The following DIS3L2 variants were observed in gnomAD, a reference collection of about 807,000 sequenced individuals.
The protein encoded by DIS3L2 is DIS3-like exonuclease 2.
Under a neutral mutation model 97.5 loss-of-function variants are expected in DIS3L2, and 34 were observed. The ratio of observed to expected loss-of-function variants is 0.35; its 90% confidence interval spans 0.27 to 0.46. The LOEUF (loss-of-function observed/expected upper bound fraction) is 0.46. Among genes scored for constraint, DIS3L2 ranks in the 20% least tolerant of loss-of-function variants. DIS3L2 has a pLI of 1.00. For synonymous variants in DIS3L2, 435 were observed against 445.2 expected (o/e 0.98, Z 0.29); for missense variants, 1,038 against 1,146.0 (o/e 0.91, Z 1.36).
intron 6 of DIS3L2, among the ~76,000 whole-genome samples, chr2:232,125,520 T>C (rs1442054915): frequency 6.6e-6 from 1 of 152,212 alleles, no homozygotes; most frequent in Non-Finnish European, 1.5e-5. Context: ...TCACTACTCC[T>C]CTTTCCTCAG....
intron 1 of DIS3L2, among the ~76,000 whole-genome samples, chr2:232,002,839 A>G (rs1026936620): frequency 3.9e-5 from 6 of 152,164 alleles, no homozygotes; most frequent in African/African-American, 1.2e-4. Context: ...TTTTGCACAA[A>G]TGATCGTATG....
intron 14 of DIS3L2, among the ~76,000 whole-genome samples, chr2:232,304,370 C>A (rs996419268): frequency 6.6e-6 from 1 of 152,194 alleles, no homozygotes; most frequent in Admixed American, 6.5e-5. Context: ...CAGTGTGTTA[C>A]ATGGGGGAGG....
intron 9 of DIS3L2, among the ~76,000 whole-genome samples, chr2:232,184,369 C>A (rs138164086): frequency 3.9e-5 from 6 of 152,124 alleles, no homozygotes; most frequent in Non-Finnish European, 5.9e-5. Context: ...AAAATAAGGT[C>A]GGGTGCGTGG....
chr2:232,213,301 G>A (rs550075471), intron 10 of DIS3L2, among the ~76,000 whole-genome samples: 3 of 152,282 alleles, frequency 2.0e-5, no homozygotes, highest in Admixed American at 2.0e-4. Flanking sequence ...TACTGCACCA[G>A]GTGATCAGAT....
intron 5 of DIS3L2, among the ~76,000 whole-genome samples, chr2:232,084,685 T>C (rs1696518330): frequency 6.6e-6 from 1 of 152,140 alleles, no homozygotes; most frequent in Non-Finnish European, 1.5e-5. Context: ...AATGAATGTA[T>C]GAATCTGACA....
At chr2:232,277,038 T>TTA (rs950010481) in intron 13 of DIS3L2, among the ~76,000 whole-genome samples, 2 of 152,204 alleles carry the variant, frequency 1.3e-5, no homozygotes, top group Non-Finnish European at 2.9e-5. Flanking sequence ...ATCGCCTCCT[T>TTA]TATGATACTT....
intron 5 of DIS3L2, among the ~76,000 whole-genome samples, chr2:232,031,905 T>C (rs919010869): frequency 2.6e-5 from 4 of 152,238 alleles, no homozygotes; most frequent in African/African-American, 9.7e-5. Flanking sequence ...CTAACATTGA[T>C]AGGCATTTGA....
intron 1 of DIS3L2, among the ~76,000 whole-genome samples, chr2:231,978,101 AAG>A (rs1693150174): frequency 6.6e-6 from 1 of 152,244 alleles, no homozygotes; most frequent in African/African-American, 2.4e-5. Flanking sequence ...CTAGAATTAA[AAG>A]ACTATGTATG....
At chr2:232,043,425 A>T (rs1026427180) in intron 5 of DIS3L2, among the ~76,000 whole-genome samples, 3 of 152,234 alleles carry the variant, frequency 2.0e-5, no homozygotes, top group Admixed American at 6.5e-5. Context: ...GCAAGTAGGG[A>T]TATAACAGGA....
intron 3 of DIS3L2, among the ~76,000 whole-genome samples, chr2:232,018,189 C>T (rs1016893671): frequency 6.6e-6 from 1 of 152,138 alleles, no homozygotes; most frequent in Admixed American, 6.5e-5. Flanking sequence ...GAGAGGACAG[C>T]GTTCTGCAGT....
chr2:232,290,927 A>G (rs1694582956), intron 13 of DIS3L2, among the ~76,000 whole-genome samples: 1 of 152,180 alleles, frequency 6.6e-6, no homozygotes, highest in Non-Finnish European at 1.5e-5. Flanking sequence ...GGTGCCAGAA[A>G]TCTCCATGAT....
At chr2:232,083,229 A>C (rs1696458583) in intron 5 of DIS3L2, among the ~76,000 whole-genome samples, 1 of 152,016 alleles carries the variant, frequency 6.6e-6, no homozygotes, top group Non-Finnish European at 1.5e-5. Context: ...GCCAAAGCAT[A>C]AATTATTAAG....
chr2:232,136,475 G>A lies in DIS3L2; in HGVS notation c.706G>A (p.Val236Ile). 1 of 1,613,894 alleles carries A rather than the reference G, an allele frequency of 6.2e-7. No homozygotes were observed. Among genetic ancestry groups the A allele is most frequent in the Non-Finnish European group, 8.5e-7 (1 of 1,179,870 alleles). ...EKSLQRSAKV[V>I]YILEKKHSRA... ...ACTATATCTTTGGTGTTTTTAGGTGGTTTACATCTTGGAGAAAAAACATTC... is the reference window on the plus strand; with the variant it reads ...ACTATATCTTTGGTGTTTTTAGGTGATTTACATCTTGGAGAAAAAACATTC... Residue 236 changes from valine to isoleucine, a missense_variant, in exon 8 of 21, where the codon GTT (valine) becomes ATT (isoleucine). Around this residue, in one of 3 missense-constraint regions of DIS3L2, gnomAD observed 813 missense variants for 880.1 expected, o/e 0.92. Coordinates refer to ENST00000325385, the MANE Select transcript of DIS3L2 (RefSeq NM_152383.5).
chr2:232,342,803 G>T (rs948207024), intron 13 of DIS3L2, among the ~76,000 whole-genome samples: 4 of 152,200 alleles, frequency 2.6e-5, no homozygotes, highest in African/African-American at 9.6e-5. Context: ...GGGGCCCCTG[G>T]GAGCCCAGGG....
rs200519492 is a variant in DIS3L2, at chr2:232,087,736, A to G, written c.601+15A>G. On this transcript the variant is annotated intron_variant, in intron 6 of 20. Coordinates refer to ENST00000325385, the MANE Select transcript of DIS3L2 (RefSeq NM_152383.5). Reference sequence around the variant, plus strand: ...TTCTGAGAAAGGTGAGTACTAGACTATTGTCTTACTTTTTTTTTAAGTACA... The same window carrying G: ...TTCTGAGAAAGGTGAGTACTAGACTGTTGTCTTACTTTTTTTTTAAGTACA... 2.5e-6 allele frequency: 4 copies of G among 1,594,232 alleles called. No individual in the cohort carries two copies. Among genetic ancestry groups the G allele is most frequent in the Non-Finnish European group, 3.4e-6 (4 of 1,163,986 alleles).
intron 20 of DIS3L2, 54 bp downstream of exon 20, chr2:232,335,928 CTCCTGCG>C (rs1339751684): frequency 9.0e-6 from 14 of 1,548,104 alleles, no homozygotes; most frequent in Admixed American, 2.0e-5. Flanking sequence ...CCTCTCCTGC[CTCCTGCG>C]GTGCCCCTCA....
chr2:232,128,836 G>A (rs1698142706), intron 6 of DIS3L2, among the ~76,000 whole-genome samples: 2 of 152,094 alleles, frequency 1.3e-5, no homozygotes, highest in African/African-American at 4.8e-5. Context: ...CTGGCATTGT[G>A]TTTCTTTATA....
At chr2:232,340,638 C>A, downstream of DIS3L2, 1 of 465,060 alleles carries the variant, frequency 2.2e-6, no homozygotes. Flanking sequence ...CCCTCCCCAT[C>A]CAGGCCAGAG....
At chr2:232,173,670 A>G (rs1371050928) in intron 9 of DIS3L2, among the ~76,000 whole-genome samples, 1 of 152,216 alleles carries the variant, frequency 6.6e-6, no homozygotes, top group Non-Finnish European at 1.5e-5. Context: ...TTTCAGCACC[A>G]TAAGAAAAAC....
Sources: allele counts gnomAD v4.1 joint callset (sites outside exome capture counted in the v4.1 genomes callset), GRCh38; gene constraint gnomAD v4.1.1; regional missense constraint gnomAD v4.1.1; transcripts MANE v1.5; gene names NCBI Gene and HGNC (gene_info 2026-07-23, HGNC 2026-07-21).